SAXO5: variants seen among roughly 807,000 people sequenced by gnomAD.
SAXO5 encodes the protein stabilizer of axonemal microtubules 5, also known as testis expressed 45.
chr19:7,504,012 GC>G, the SAXO5 span: 2 of 737,548 alleles, frequency 2.7e-6, no homozygotes, highest in Non-Finnish European at 2.4e-6. Context: ...GTTCAGAATG[GC>G]CCAGCTCCCC....
chr19:7,505,892 A>G, the SAXO5 span: 2 of 1,430,666 alleles, frequency 1.4e-6, no homozygotes, highest in Non-Finnish European at 1.9e-6. Context: ...CACAGAGCCC[A>G]CCTCCTCCCT....
the SAXO5 span, among the ~76,000 whole-genome samples, chr19:7,503,080 C>T: frequency 0.012 from 1,856 of 152,196 alleles, 42 homozygotes; most frequent in African/African-American, 0.043. Context: ...GAAGAAGTTG[C>T]GGCCGGGTGC....
At chr19:7,504,094 C>CTCTCTCTCTCTCTCA in the SAXO5 span, 1 of 1,505,626 alleles carries the variant, frequency 6.6e-7, no homozygotes, top group African/African-American at 1.4e-5. Context: ...CTCTCTCTCT[C>CTCTCTCTCTCTCTCA]CCCCCATCCC....
At chr19:7,501,342 G>C in the SAXO5 span, 1 of 1,560,382 alleles carries the variant, frequency 6.4e-7, no homozygotes, top group African/African-American at 1.4e-5. Flanking sequence ...CACGCACCAG[G>C]CGCTCTTTCC....
At chr19:7,506,875 T>A in the SAXO5 span, 2 of 438,794 alleles carry the variant, frequency 4.6e-6, no homozygotes, top group East Asian at 4.7e-5. Flanking sequence ...TCCCCCTTCC[T>A]CTGGCTTCTC....
chr19:7,504,363 G>A, the SAXO5 span: 1 of 1,614,190 alleles, frequency 6.2e-7, no homozygotes, highest in South Asian at 1.1e-5. Flanking sequence ...GGATCAACGT[G>A]TTCGGAGCAG....
the SAXO5 span, among the ~76,000 whole-genome samples, chr19:7,504,575 G>A: frequency 1.3e-5 from 2 of 152,150 alleles, no homozygotes; most frequent in East Asian, 3.9e-4. Context: ...GTGTGGTGGT[G>A]GGCGCCTGTA....
the SAXO5 span, among the ~76,000 whole-genome samples, chr19:7,503,943 A>G: frequency 6.6e-6 from 1 of 152,124 alleles, no homozygotes; most frequent in Non-Finnish European, 1.5e-5. Context: ...TTTTAGTATA[A>G]TTTATTTTAT....
the SAXO5 span, chr19:7,506,556 A>G: frequency 3.2e-6 from 1 of 313,124 alleles, no homozygotes; most frequent in Non-Finnish European, 6.1e-6. Flanking sequence ...TCCGCCCCTG[A>G]CCCGCTAGCC....
the SAXO5 span, among the ~76,000 whole-genome samples, chr19:7,503,636 C>G: frequency 6.6e-6 from 1 of 151,994 alleles, no homozygotes; most frequent in Non-Finnish European, 1.5e-5. Context: ...AGGCACATGC[C>G]AACACACCCG....
At chr19:7,501,129 G>A in the SAXO5 span, 11 of 1,507,454 alleles carry the variant, frequency 7.3e-6, no homozygotes, top group South Asian at 1.2e-5. Flanking sequence ...GCAGGCGCGG[G>A]AACGCACGCT....
the SAXO5 span, among the ~76,000 whole-genome samples, chr19:7,500,600 G>A: frequency 6.6e-6 from 1 of 152,102 alleles, no homozygotes; most frequent in Admixed American, 6.5e-5. Context: ...GTGAGCCCCC[G>A]CGCCCAGCCA....
At chr19:7,504,988 C>CT in the SAXO5 span, among the ~76,000 whole-genome samples, 13,663 of 134,246 alleles carry the variant, frequency 0.1, 1,163 homozygotes, top group East Asian at 0.2. Context: ...TTTTTTTTTT[C>CT]TTTTTTTTTT....
the SAXO5 span, chr19:7,500,937 A>C: frequency 3.8e-6 from 6 of 1,581,882 alleles, no homozygotes; most frequent in East Asian, 2.3e-5. Context: ...CGAGGGCACC[A>C]TGCGCACCAC....
chr19:7,506,929 T>G, the SAXO5 span: 1 of 704,612 alleles, frequency 1.4e-6, no homozygotes, highest in African/African-American at 1.8e-5. Flanking sequence ...TAATCCATTT[T>G]TCTCCCCTGG....
chr19:7,503,908 A>G, the SAXO5 span, among the ~76,000 whole-genome samples: 1 of 152,232 alleles, frequency 6.6e-6, no homozygotes, highest in East Asian at 1.9e-4. Flanking sequence ...AGCTGGGATT[A>G]CAGGCATGGG....
At chr19:7,500,192 G>C in the SAXO5 span, among the ~76,000 whole-genome samples, 1 of 152,026 alleles carries the variant, frequency 6.6e-6, no homozygotes, top group African/African-American at 2.4e-5. Context: ...TCTATTTTGT[G>C]AACTAATGTT....
At chr19:7,506,295 G>T in the SAXO5 span, 16 of 767,464 alleles carry the variant, frequency 2.1e-5, no homozygotes, top group Non-Finnish European at 3.1e-5. Flanking sequence ...GGGAAGCCCA[G>T]CCCTGGAAGC....
the SAXO5 span, chr19:7,506,234 CCCCCATGGAGCCCCT>C: frequency 0.25 from 297,924 of 1,202,166 alleles, 40,513 homozygotes; most frequent in Non-Finnish European, 0.26. Context: ...GAAAGCCCCG[CCCCCATGGAGCCCCT>C]CCCCATGGAG....
Sources: allele counts gnomAD v4.1 joint callset (sites outside exome capture counted in the v4.1 genomes callset), GRCh38; gene constraint gnomAD v4.1.1; transcripts MANE v1.5; gene names NCBI Gene and HGNC (gene_info 2026-07-23, HGNC 2026-07-21).